The following BOK variants were observed in gnomAD, a reference collection of about 807,000 sequenced individuals.
BOK encodes the protein bcl-2-related ovarian killer protein.
In BOK, 20 loss-of-function variants were observed where a neutral mutation model predicts 18.3. That is an observed-to-expected ratio of 1.09 (90% CI 0.77 to 1.59). The LOEUF is 1.59. Among genes scored for constraint, BOK ranks in the 40% most tolerant of loss-of-function variants. The pLI is 0.00. For missense variants in BOK, 348 were observed against 307.9 expected, an observed-to-expected ratio of 1.13 and a Z score of -0.97; for synonymous variants, 173 against 142.4, an observed-to-expected ratio of 1.21 and a Z score of -1.53.
chr2:241,558,933 G>C lies in BOK; in HGVS notation c.-90G>C, dbSNP rs573525303. 11 of 151,802 alleles carry C rather than the reference G, an allele frequency of 7.2e-5. No individual in the cohort carries two copies. The highest frequency in any genetic ancestry group is 7.2e-4 in the Admixed American group (11 of 15,234). 9.4% of individuals were successfully genotyped at this position (151,802 alleles called of 1,614,324 possible). ...AATGGAAGGGTCGAGGTCGTCGTCG[G>C]CGGCGAGCAGATCCTGAAGCCAGAA... On this transcript the variant is annotated 5_prime_UTR_variant, in exon 1 of 5. Coordinates refer to ENST00000318407, the MANE Select transcript of BOK (RefSeq NM_032515.5).
At chr2:241,571,467 G>A (rs567590343) in intron 4 of BOK, among the ~76,000 whole-genome samples, 6 of 152,302 alleles carry the variant, frequency 3.9e-5, no homozygotes, top group African/African-American at 1.2e-4. Context: ...TTAGCATCTC[G>A]AGAGATTGAG....
At chr2:241,555,122 T>C (rs1443890692), upstream of BOK, among the ~76,000 whole-genome samples, 2 of 152,124 alleles carry the variant, frequency 1.3e-5, no homozygotes, top group African/African-American at 2.4e-5. Flanking sequence ...TGACCCAAGT[T>C]TTTTAAGGTC....
rs1337339574 is a variant in BOK at position 241,562,412 on chromosome 2, C to T, written c.285C>T (p.Ser95=). ...YRNVARQLHI[S]LQSEPVVTDA... is the part of the protein sequence containing the mutation. Reference sequence around the variant, plus strand: ...ACGTGGCGCGTCAGCTGCACATCTCCCTGCAGTCTGAGCCTGTGGTGACCG... The same window carrying T: ...ACGTGGCGCGTCAGCTGCACATCTCTCTGCAGTCTGAGCCTGTGGTGACCG... Residue 95 remains serine (S), a synonymous_variant, in exon 3 of 5, where the codon TCC becomes TCT. Coordinates refer to ENST00000318407, the MANE Select transcript of BOK (RefSeq NM_032515.5). The surrounding 1 kb of genome is among the most constrained non-coding windows in gnomAD (Gnocchi z 4.5). 1 of 1,612,242 alleles carries T rather than the reference C, an allele frequency of 6.2e-7. No homozygotes were observed. Among genetic ancestry groups the T allele is most frequent in the African/African-American group, 1.3e-5 (1 of 74,932 alleles).
chr2:241,554,318 G>C (rs2066435829), upstream of BOK, among the ~76,000 whole-genome samples: 1 of 127,924 alleles, frequency 7.8e-6, no homozygotes, highest in Non-Finnish European at 1.7e-5. Context: ...TAGGCTGGGA[G>C]AATCCCAAGC....
rs766772349 is a variant in BOK, at chr2:241,559,664, G to A, written c.181G>A (p.Gly61Arg). 2 of 1,380,878 alleles carry A rather than the reference G, an allele frequency of 1.4e-6. No individual in the cohort carries two copies. The highest frequency in any genetic ancestry group is 3.0e-5 in the East Asian group (1 of 32,952). The allele number at this position is 1,380,878 out of a possible 1,614,324, so 85.5% of individuals were successfully genotyped here. The change falls in exon 2 of 5, where the codon GGA (glycine) becomes AGA (arginine). Residue 61 changes from glycine to arginine, a missense_variant. Coordinates refer to ENST00000318407, the MANE Select transcript of BOK (RefSeq NM_032515.5). ...SAPERAAPVPGRLAEVCAVLL... is the reference protein window; with the variant it reads ...SAPERAAPVPRRLAEVCAVLL... The stretch of plus-strand genomic sequence containing the variant: ...GCCCGAGCGTGCCGCGCCGGTCCCG[G>A]GACGCCTGGCTGAGGTGTGCGCGGT...
chr2:241,559,817 C>T (rs897170259), intron 2 of BOK, 114 bp downstream of exon 2: 78 of 1,172,976 alleles, frequency 6.6e-5, no homozygotes, highest in Non-Finnish European at 7.7e-5. Context: ...CTGCCTGGGA[C>T]GGCCAGGCGC....
intron 4 of BOK, among the ~76,000 whole-genome samples, chr2:241,571,486 G>C (rs975231525): frequency 6.6e-6 from 1 of 152,190 alleles, no homozygotes; most frequent in Non-Finnish European, 1.5e-5. Context: ...AGGTCACGTG[G>C]TCTGCGGGGG....
chr2:241,562,351 A>T lies in BOK; in HGVS notation c.224A>T (p.Asp75Val), dbSNP rs193087751. Reference sequence around the variant, plus strand: ...ACCTGCTCTTGTGACCACACAGGCGATGAGCTGGAGATGATCCGGCCCAGC... The same window carrying T: ...ACCTGCTCTTGTGACCACACAGGCGTTGAGCTGGAGATGATCCGGCCCAGC... ...EVCAVLLRLG[D>V]ELEMIRPSVY... The change falls in exon 3 of 5, where the codon GAT becomes GTT. Residue 75 changes from aspartate to valine, a missense_variant. Asp to Val is a radical substitution (Grantham distance 152, BLOSUM62 -3). Coordinates refer to ENST00000318407, the MANE Select transcript of BOK (RefSeq NM_032515.5). The surrounding 1 kb of genome is among the most constrained non-coding windows in gnomAD (Gnocchi z 4.5). The T allele has an allele frequency of 6.2e-7, 1 of 1,601,772 alleles. No homozygotes were observed. The highest frequency in any genetic ancestry group is 8.5e-7 in the Non-Finnish European group (1 of 1,175,070).
In BOK at chr2:241,561,137, G is replaced by A. The variant is rs543408789; in HGVS notation, c.221-1211G>A. ...TCCAGATCTTAATTAATGAGATACA[G>A]AGCAGCCTTTATCAGCTGGGATGGT... On this transcript the variant is annotated intron_variant, in intron 2 of 4. Transcript: ENST00000318407. 5.9e-3 allele frequency among the ~76,000 whole-genome samples: 904 copies of A among 152,056 alleles called. 7 individuals are homozygous for A. Among genetic ancestry groups the A allele is most frequent in the Non-Finnish European group, 9.9e-3 (673 of 67,944 alleles).
rs777449901 is a variant in BOK, at chr2:241,572,413, A to G, written c.630A>G (p.Pro210=). 2 of 1,598,140 alleles carry G rather than the reference A, an allele frequency of 1.3e-6. No individual in the cohort carries two copies. The highest frequency in any genetic ancestry group is 1.7e-6 in the Non-Finnish European group (2 of 1,178,318). ...FLKAAFFVLL[P]ER is the part of the protein sequence containing the mutation. ...AGGCTGCCTTCTTCGTGCTGCTGCCAGAGAGATGAGCTGCCCACCTGGCAG... is the reference window on the plus strand; with the variant it reads ...AGGCTGCCTTCTTCGTGCTGCTGCCGGAGAGATGAGCTGCCCACCTGGCAG... Residue 210 remains proline, a synonymous_variant, in exon 5 of 5, where the codon CCA becomes CCG. Coordinates refer to ENST00000318407, the MANE Select transcript of BOK (RefSeq NM_032515.5).
At chr2:241,552,937 G>T (rs781764187) in intron 1 of BOK, among the ~76,000 whole-genome samples, 8 of 152,160 alleles carry the variant, frequency 5.3e-5, no homozygotes, top group Non-Finnish European at 8.8e-5. Flanking sequence ...GAAAGATTCC[G>T]GGCGGCTCGC....
Position 241,572,786 on chromosome 2 carries a change from G to C in BOK, c.*364G>C. ...CTGAGCCCCAGGTGAAGGGGCCCGG[G>C]AACACCTGCTCTCACCTGAGCCCCA... On this transcript the variant is annotated 3_prime_UTR_variant, in exon 5 of 5. Coordinates refer to ENST00000318407, the MANE Select transcript of BOK (RefSeq NM_032515.5). The C allele has an allele frequency of 3.7e-6, 1 of 266,830 alleles. No homozygotes were observed. Among genetic ancestry groups the C allele is most frequent in the Admixed American group, 4.6e-5 (1 of 21,738 alleles). 16.5% of individuals were successfully genotyped at this position (266,830 alleles called of 1,614,324 possible).
intron 2 of BOK, among the ~76,000 whole-genome samples, chr2:241,560,478 C>T (rs571398666): frequency 2.6e-5 from 4 of 152,348 alleles, no homozygotes; most frequent in African/African-American, 9.6e-5. Context: ...GGCACGACCC[C>T]GTGAGGGGAC....
chr2:241,560,421 G>C (rs1052106722), intron 2 of BOK, among the ~76,000 whole-genome samples: 3 of 152,272 alleles, frequency 2.0e-5, no homozygotes, highest in African/African-American at 7.2e-5. Context: ...TGACAGCATA[G>C]GTGAAACTGA....
chr2:241,572,013 C>T (rs887251753), intron 4 of BOK, among the ~76,000 whole-genome samples: 1 of 152,224 alleles, frequency 6.6e-6, no homozygotes, highest in Non-Finnish European at 1.5e-5. Context: ...ATGAAGGCCT[C>T]TCTCCTGCTC....
At position 241,572,664 on chromosome 2, in the gene BOK, C is replaced by T. The variant is rs2066743196; in HGVS notation, c.*242C>T. ...GACCCTCCCCGCTTGTGTCCCTTCT[C>T]CTGTGATCTCTGTGTTTTCCCTTTT... On this transcript the variant is annotated 3_prime_UTR_variant, in exon 5 of 5. Transcript: ENST00000318407. 1.5e-5 allele frequency: 9 copies of T among 585,198 alleles called. No individual in the cohort carries two copies. The Admixed American group carries it at 2.7e-4, about 18-fold the overall frequency. 36.3% of individuals were successfully genotyped at this position (585,198 alleles called of 1,614,324 possible). A position where few individuals can be genotyped will look rare whatever the true frequency, so the allele number is the denominator to read the frequency against.
Position 241,572,539 on chromosome 2 carries a change from G to C in BOK, c.*117G>C, listed in dbSNP as rs1443996242. ...AGCCTGGAGCACTCTAACCCTCGGA[G>C]ACCCCCTAAGCCCCGTTCCTCCGCA... On this transcript the variant is annotated 3_prime_UTR_variant, in exon 5 of 5. Coordinates refer to ENST00000318407, the MANE Select transcript of BOK (RefSeq NM_032515.5). The C allele has an allele frequency of 6.9e-7, 1 of 1,439,312 alleles. No homozygotes were observed. Among genetic ancestry groups the C allele is most frequent in the African/African-American group, 1.4e-5 (1 of 71,284 alleles). 89.2% of individuals were successfully genotyped at this position (1,439,312 alleles called of 1,614,324 possible).
chr2:241,572,246 G>GGCCTGGCGGTGCTGGCT, intron 4 of BOK, 51 bp from the exon 5 acceptor site: 3 of 1,594,360 alleles, frequency 1.9e-6, no homozygotes, highest in Non-Finnish European at 2.6e-6. Context: ...CGGTGCTGGG[G>GGCCTGGCGGTGCTGGCT]GCCTGGCGGT....
chr2:241,561,438 C>T (rs545061723), intron 2 of BOK, among the ~76,000 whole-genome samples: 1 of 151,114 alleles, frequency 6.6e-6, no homozygotes, highest in East Asian at 2.0e-4. Context: ...AGGACAGCGG[C>T]CCAGCCAGCC....
Sources: allele counts gnomAD v4.1 joint callset (sites outside exome capture counted in the v4.1 genomes callset), GRCh38; gene constraint gnomAD v4.1.1; non-coding constraint Gnocchi (gnomAD v3.1); transcripts MANE v1.5; gene names NCBI Gene and HGNC (gene_info 2026-07-23, HGNC 2026-07-21).